The following ARHGAP19 variants were observed in gnomAD, a reference collection of about 807,000 sequenced individuals.
ARHGAP19 encodes Rho GTPase activating protein 19.
ARHGAP19 carries 48 observed loss-of-function variants against 60.9 expected under a neutral mutation model. That is an observed-to-expected ratio of 0.79 (90% CI 0.62 to 1.00). ARHGAP19 has a LOEUF of 1.00. Ranked by LOEUF, ARHGAP19 falls within the 50% of genes least tolerant of loss-of-function variation. The pLI, the probability that ARHGAP19 is intolerant of heterozygous loss-of-function variation, is 0.00. For missense variants in ARHGAP19, 562 were observed against 597.2 expected, an observed-to-expected ratio of 0.94 and a Z score of 0.61; for synonymous variants, 209 against 215.5, an observed-to-expected ratio of 0.97 and a Z score of 0.27.
rs1842915843 is a variant in ARHGAP19 at position 97,267,697 on chromosome 10, G to A, written c.57-1572C>T. On this transcript the variant is annotated intron_variant, in intron 1 of 11. Coordinates refer to ENST00000358531, the MANE Select transcript of ARHGAP19 (RefSeq NM_032900.6). The stretch of plus-strand genomic sequence containing the variant: ...TGCACCCGCAGGCCCAAAACCACAT[G>A]TAAGCTGCCAAGGCATGGGGCTTGC... Among the ~76,000 whole-genome samples the A allele has an allele frequency of 4.6e-5, 7 of 152,380 alleles. No individual in the cohort carries two copies. The South Asian group carries it at 1.4e-3, about 32-fold the overall frequency.
At position 97,224,224 on chromosome 10, in the gene ARHGAP19, A is replaced by C. The variant is rs984449563; in HGVS notation, c.*1898T>G. 5 of 152,228 alleles carry C rather than the reference A, an allele frequency of 3.3e-5. No individual in the cohort carries two copies. The highest frequency in any genetic ancestry group is 6.5e-5 in the Admixed American group (1 of 15,284). 9.4% of individuals were successfully genotyped at this position (152,228 alleles called of 1,614,324 possible). A position where few individuals can be genotyped will look rare whatever the true frequency, so the allele number is the denominator to read the frequency against. On this transcript the variant is annotated 3_prime_UTR_variant, in exon 12 of 12. Coordinates refer to ENST00000358531, the MANE Select transcript of ARHGAP19 (RefSeq NM_032900.6). ...GGATGAAGCACGTCTAAACAAATAAAGGAAAGAAGGAAGAGTTAAGGAAGA... is the reference window on the plus strand; with the variant it reads ...GGATGAAGCACGTCTAAACAAATAACGGAAAGAAGGAAGAGTTAAGGAAGA...
chr10:97,242,343 T>C lies in ARHGAP19; in HGVS notation c.1185+1625A>G, dbSNP rs1216599401. On this transcript the variant is annotated intron_variant, in intron 8 of 11. Transcript: ENST00000358531. ...AGTGTTCTTTTTTTTTTTTTTTTTT[T>C]TTTTTTTGAGACGGGGTTTCGCTCT... Among the ~76,000 whole-genome samples the C allele has an allele frequency of 4.2e-5, 6 of 142,612 alleles. No homozygotes were observed. In the East Asian group the frequency reaches 1.2e-3, roughly 28 times the overall value. 93.6% of individuals were successfully genotyped at this position (142,612 alleles called of 152,430 possible).
At chr10:97,254,352 T>A (rs533452292) in intron 6 of ARHGAP19, among the ~76,000 whole-genome samples, 5 of 152,178 alleles carry the variant, frequency 3.3e-5, no homozygotes, top group South Asian at 2.1e-4. Flanking sequence ...AGTAGACCAA[T>A]GGAATAGACT....
intron 1 of ARHGAP19, chr10:97,270,701 C>G: frequency 6.5e-7 from 1 of 1,538,544 alleles, no homozygotes; most frequent in Non-Finnish European, 8.8e-7. Flanking sequence ...CTCTCCTTTC[C>G]CTGCCCCAGC....
rs1002644237 is a variant in ARHGAP19, at chr10:97,224,396, T to C, written c.*1726A>G. 2 of 152,274 alleles carry C rather than the reference T, an allele frequency of 1.3e-5. No individual in the cohort carries two copies. Among genetic ancestry groups the C allele is most frequent in the African/African-American group, 2.4e-5 (1 of 41,480 alleles). The allele number at this position is 152,274 out of a possible 1,614,324, so 9.4% of individuals were successfully genotyped here. A position where few individuals can be genotyped will look rare whatever the true frequency, so the allele number is the denominator to read the frequency against. On this transcript the variant is annotated 3_prime_UTR_variant, in exon 12 of 12. Coordinates refer to ENST00000358531, the MANE Select transcript of ARHGAP19 (RefSeq NM_032900.6). ...AAACGAATTTGCTAATATGTGTTTT[T>C]ACAAATGACATAAAACTGCTCTAGA...
intron 11 of ARHGAP19, among the ~76,000 whole-genome samples, chr10:97,226,513 T>C (rs994717886): frequency 6.6e-6 from 1 of 152,204 alleles, no homozygotes. Flanking sequence ...AAACTGGGAA[T>C]GGAACCCAAG....
At chr10:97,244,364 C>G (rs1842532926) in intron 7 of ARHGAP19, among the ~76,000 whole-genome samples, 2 of 151,576 alleles carry the variant, frequency 1.3e-5, no homozygotes, top group African/African-American at 4.8e-5. Context: ...CATGACCTGC[C>G]CAGAGAACCT....
intron 8 of ARHGAP19, among the ~76,000 whole-genome samples, chr10:97,236,803 G>GAAAAAAAAAAAAA (rs71007323): frequency 6.2e-5 from 5 of 80,012 alleles, no homozygotes; most frequent in African/African-American, 1.0e-4. Flanking sequence ...AACAGACTCA[G>GAAAAAAAAAAAAA]AAAAAAAAAA....
chr10:97,291,329 T>G (rs1843229010), intron 1 of ARHGAP19, among the ~76,000 whole-genome samples: 1 of 152,160 alleles, frequency 6.6e-6, no homozygotes, highest in Non-Finnish European at 1.5e-5. Context: ...TTTATTTTAT[T>G]TATTTATTTG....
intron 6 of ARHGAP19, among the ~76,000 whole-genome samples, chr10:97,247,274 C>T (rs541129769): frequency 6.6e-6 from 1 of 152,242 alleles, no homozygotes; most frequent in South Asian, 2.1e-4. Context: ...CATACCACTG[C>T]ACTCCAGCCT....
intron 9 of ARHGAP19, among the ~76,000 whole-genome samples, chr10:97,232,712 C>T (rs1401004212): frequency 6.6e-6 from 1 of 151,878 alleles, no homozygotes; most frequent in African/African-American, 2.4e-5. Flanking sequence ...ATAACTAGGA[C>T]CAAAATTACA....
intron 1 of ARHGAP19, among the ~76,000 whole-genome samples, chr10:97,287,233 G>C (rs113068610): frequency 0.028 from 4,190 of 152,240 alleles, 183 homozygotes; most frequent in African/African-American, 0.092. Flanking sequence ...TTACAGGCGT[G>C]AGCCACCATG....
chr10:97,229,126 G>T (rs200672097), intron 11 of ARHGAP19, 21 bp downstream of exon 11: 2 of 1,593,482 alleles, frequency 1.3e-6, no homozygotes, highest in Non-Finnish European at 1.7e-6. Context: ...AGTAAGAACA[G>T]AGAGTAAGTA....
In ARHGAP19 at chr10:97,246,353, A is replaced by T; in HGVS notation, c.928-16T>A. On this transcript the variant is annotated splice_polypyrimidine_tract_variant and intron_variant, in intron 6 of 11. Transcript: ENST00000358531. ...AAGCAGGAGCCTGGGCAGGACATAA[A>T]AGAAAACCAAAACCCAGTGATTAGT... 6.2e-7 allele frequency: 1 copy of T among 1,604,018 alleles called. No homozygotes were observed. Among genetic ancestry groups the T allele is most frequent in the Non-Finnish European group, 8.5e-7 (1 of 1,171,240 alleles).
In ARHGAP19 at chr10:97,282,839, C is replaced by CTTTTTTT. The variant is rs56387291; in HGVS notation, c.56+9726_56+9732dup. Among the ~76,000 whole-genome samples the CTTTTTTT allele has an allele frequency of 3.2e-3, 292 of 90,916 alleles. 1 individual carries two copies. The highest frequency in any genetic ancestry group is 6.4e-3 in the African/African-American group (173 of 26,824). 59.6% of individuals were successfully genotyped at this position (90,916 alleles called of 152,430 possible). A position where few individuals can be genotyped will look rare whatever the true frequency, so the allele number is the denominator to read the frequency against. On this transcript the variant is annotated intron_variant, in intron 1 of 11. Transcript: ENST00000358531. ...TAAAGTACTATGTAGTTTCTTTTTT[C>CTTTTTTT]TTTTTTTTTTTTTTTTTTTTGAGAC... is the stretch of plus-strand genomic sequence containing the variant.
chr10:97,239,911 T>C (rs1842451833), intron 8 of ARHGAP19, among the ~76,000 whole-genome samples: 1 of 151,884 alleles, frequency 6.6e-6, no homozygotes, highest in Non-Finnish European at 1.5e-5. Flanking sequence ...TTCTCCATGT[T>C]GGTCAGGCTC....
At chr10:97,274,044 A>T (rs1842993982) in intron 1 of ARHGAP19, among the ~76,000 whole-genome samples, 1 of 152,178 alleles carries the variant, frequency 6.6e-6, no homozygotes, top group African/African-American at 2.4e-5. Context: ...TTAAAAATAA[A>T]CGAAACTAGT....
At chr10:97,270,871 C>T (rs1292361106) in intron 1 of ARHGAP19, among the ~76,000 whole-genome samples, 1 of 152,178 alleles carries the variant, frequency 6.6e-6, no homozygotes, top group African/African-American at 2.4e-5. Context: ...ATAGATGAAG[C>T]TCAAAAGCAG....
chr10:97,228,863 G>A (rs184952016), intron 11 of ARHGAP19, among the ~76,000 whole-genome samples: 47 of 152,230 alleles, frequency 3.1e-4, no homozygotes, highest in Admixed American at 2.6e-3. Flanking sequence ...AATTTGCTTC[G>A]CAAGTATTCT....
Sources: allele counts gnomAD v4.1 joint callset (sites outside exome capture counted in the v4.1 genomes callset), GRCh38; gene constraint gnomAD v4.1.1; transcripts MANE v1.5; gene names NCBI Gene and HGNC (gene_info 2026-07-23, HGNC 2026-07-21).